Variants in TXNRD2 observed in about 807,000 individuals in gnomAD.
TXNRD2 encodes the protein thioredoxin reductase 2, mitochondrial.
Under a neutral mutation model 70.8 loss-of-function variants are expected in TXNRD2, and 67 were observed. The observed-to-expected ratio is 0.95, with a 90% CI of 0.78 to 1.16. The LOEUF (loss-of-function observed/expected upper bound fraction) is 1.16. Ranked by LOEUF, TXNRD2 falls within the 50% of genes most tolerant of loss-of-function variation. The pLI is 0.00. For missense variants in TXNRD2, 644 were observed against 719.9 expected, an observed-to-expected ratio of 0.89 and a Z score of 1.21; for synonymous variants, 301 against 295.8, an observed-to-expected ratio of 1.02 and a Z score of -0.18.
chr22:19,910,466 G>A (rs1161863422), intron 8 of TXNRD2, among the ~76,000 whole-genome samples: 1 of 152,080 alleles, frequency 6.6e-6, no homozygotes, highest in Admixed American at 6.5e-5. Flanking sequence ...GGAACCCCAG[G>A]GCTCCTGGGA....
At chr22:19,887,626 G>A (rs1939089279) in intron 11 of TXNRD2, 1 of 152,210 alleles carries the variant, frequency 6.6e-6, no homozygotes, top group Non-Finnish European at 1.5e-5. Flanking sequence ...GGCTGAGACT[G>A]GAACTTGTTA....
At chr22:19,896,752 A>G (rs937168203) in intron 10 of TXNRD2, among the ~76,000 whole-genome samples, 2 of 152,192 alleles carry the variant, frequency 1.3e-5, no homozygotes, top group African/African-American at 4.8e-5. Flanking sequence ...CACTGCTAAC[A>G]TCCTCTGACA....
At chr22:19,900,256 T>C (rs1939711237) in intron 8 of TXNRD2, among the ~76,000 whole-genome samples, 1 of 152,136 alleles carries the variant, frequency 6.6e-6, no homozygotes, top group Non-Finnish European at 1.5e-5. Flanking sequence ...CCAAGCAGGA[T>C]TGCAGAGATG....
chr22:19,890,612 C>G (rs1397796811), intron 11 of TXNRD2, among the ~76,000 whole-genome samples: 1 of 152,186 alleles, frequency 6.6e-6, no homozygotes, highest in Non-Finnish European at 1.5e-5. Context: ...GGCCCCTAAG[C>G]CCCAGCTGCA....
Position 19,918,231 on chromosome 22 carries a change from A to C in TXNRD2, c.375-14T>G, listed in dbSNP as rs753065216. Reference sequence around the variant, plus strand: ...GCCATCTTCCTCCTGTGAAGATACGAAACAAAATGTAAAATCCACAACACA... The same window carrying C: ...GCCATCTTCCTCCTGTGAAGATACGCAACAAAATGTAAAATCCACAACACA... On this transcript the variant is annotated splice_polypyrimidine_tract_variant and intron_variant, in intron 4 of 17. Coordinates refer to ENST00000400521, the MANE Select transcript of TXNRD2 (RefSeq NM_006440.5). The C allele has an allele frequency of 1.2e-6, 2 of 1,613,754 alleles. No individual in the cohort carries two copies. The highest frequency in any genetic ancestry group is 4.5e-5 in the East Asian group (2 of 44,886).
chr22:19,892,213 C>A (rs550800594), intron 11 of TXNRD2, among the ~76,000 whole-genome samples: 5 of 152,376 alleles, frequency 3.3e-5, no homozygotes, highest in Non-Finnish European at 5.9e-5. Context: ...TCCTTTATTG[C>A]AAGTAGAAAT....
chr22:19,920,212 A>T lies in TXNRD2; in HGVS notation c.173-613T>A, dbSNP rs73880013. Among the ~76,000 whole-genome samples, 660 of 152,338 alleles carry T rather than the reference A, an allele frequency of 4.3e-3. 6 individuals are homozygous for T. The highest frequency in any genetic ancestry group is 0.015 in the African/African-American group (628 of 41,578). ...GACTCCAAACCACACTTCCCGCTGCAGAGCCACCCAGTTGCCCTCCCAGCC... is the reference window on the plus strand; with the variant it reads ...GACTCCAAACCACACTTCCCGCTGCTGAGCCACCCAGTTGCCCTCCCAGCC... On this transcript the variant is annotated intron_variant, in intron 2 of 17. Transcript: ENST00000400521.
At chr22:19,915,879 C>T (rs1940616806) in intron 5 of TXNRD2, 36 bp from the exon 6 acceptor site, 2 of 1,589,108 alleles carry the variant, frequency 1.3e-6, no homozygotes, top group African/African-American at 2.7e-5. Flanking sequence ...AACACTTCCT[C>T]TGCAAATTAA....
intron 11 of TXNRD2, among the ~76,000 whole-genome samples, chr22:19,889,710 A>G (rs2145954867): frequency 6.6e-6 from 1 of 152,246 alleles, no homozygotes; most frequent in Non-Finnish European, 1.5e-5. Context: ...TCCTGGGCTC[A>G]AATGATCCTC....
At chr22:19,929,326 CA>C (rs34528546) in intron 2 of TXNRD2, among the ~76,000 whole-genome samples, 921 of 84,418 alleles carry the variant, frequency 0.011, 3 homozygotes, top group Middle Eastern at 0.051. Context: ...GACTCCATCT[CA>C]AAAAAAAAAA....
chr22:19,901,125 C>T (rs1004073137), intron 8 of TXNRD2, among the ~76,000 whole-genome samples: 6 of 152,230 alleles, frequency 3.9e-5, no homozygotes, highest in African/African-American at 1.4e-4. Flanking sequence ...GATTTTGCCA[C>T]AAATGTTTGC....
chr22:19,892,608 C>T (rs1205672659), intron 11 of TXNRD2, among the ~76,000 whole-genome samples: 1 of 152,348 alleles, frequency 6.6e-6, no homozygotes, highest in South Asian at 2.1e-4. Flanking sequence ...GGGGACACAG[C>T]CCCCGGCCCA....
chr22:19,932,562 G>A, intron 1 of TXNRD2: 20 of 1,472,422 alleles, frequency 1.4e-5, no homozygotes, highest in Non-Finnish European at 1.8e-5. Flanking sequence ...GGGACACCCA[G>A]CACCAGGCAC....
chr22:19,914,624 T>A (rs1940553363), intron 7 of TXNRD2, among the ~76,000 whole-genome samples: 1 of 151,952 alleles, frequency 6.6e-6, no homozygotes, highest in Admixed American at 6.6e-5. Flanking sequence ...AAGTAGGTGG[T>A]GGTTTCTAGG....
intron 1 of TXNRD2, among the ~76,000 whole-genome samples, chr22:19,935,297 C>A (rs995658670): frequency 6.6e-6 from 1 of 152,120 alleles, no homozygotes; most frequent in African/African-American, 2.4e-5. Context: ...GACTGAAATA[C>A]GCCCTGGTCT....
chr22:19,886,110 C>A (rs1284575447), intron 11 of TXNRD2, among the ~76,000 whole-genome samples: 1 of 152,218 alleles, frequency 6.6e-6, no homozygotes, highest in Non-Finnish European at 1.5e-5. Context: ...ACTCCACAGC[C>A]CTTCGGGAAT....
At chr22:19,899,578 G>C (rs997427274) in intron 8 of TXNRD2, among the ~76,000 whole-genome samples, 2 of 152,238 alleles carry the variant, frequency 1.3e-5, no homozygotes, top group African/African-American at 4.8e-5. Flanking sequence ...CCCAGAGAGG[G>C]GACTGAAGGA....
intron 2 of TXNRD2, among the ~76,000 whole-genome samples, chr22:19,921,344 G>A (rs1940906548): frequency 6.6e-6 from 1 of 151,360 alleles, no homozygotes; most frequent in Non-Finnish European, 1.5e-5. Flanking sequence ...GAGCTTAGCA[G>A]GTGGAGGATG....
intron 8 of TXNRD2, among the ~76,000 whole-genome samples, chr22:19,901,515 A>G (rs1939777072): frequency 6.6e-6 from 1 of 152,192 alleles, no homozygotes; most frequent in Non-Finnish European, 1.5e-5. Context: ...ATGAGCAAGG[A>G]TTATTGACAG....
Sources: allele counts gnomAD v4.1 joint callset (sites outside exome capture counted in the v4.1 genomes callset), GRCh38; gene constraint gnomAD v4.1.1; transcripts MANE v1.5; gene names NCBI Gene and HGNC (gene_info 2026-07-23, HGNC 2026-07-21).